Variants in SPEF2 observed in about 807,000 individuals in gnomAD.
SPEF2 encodes the protein sperm flagellar and cilia associated 2, also known as sperm flagella and cilia-associated protein 2.
SPEF2 carries 187 observed loss-of-function variants against 224.6 expected under a neutral mutation model. The ratio of observed to expected loss-of-function variants is 0.83; its 90% CI spans 0.74 to 0.94. The LOEUF (loss-of-function observed/expected upper bound fraction) is 0.94, where lower values mean the gene tolerates loss of function less well. Among genes scored for constraint, SPEF2 ranks in the 40% least tolerant of loss-of-function variants. The probability of loss-of-function intolerance (pLI) is 0.00; values close to 1 mark genes in which losing one functional copy is unlikely to be tolerated. For missense variants in SPEF2, 2,170 were observed against 2,135.6 expected (o/e 1.02, Z -0.32); for synonymous variants, 715 against 707.3 (o/e 1.01, Z -0.17).
At chr5:35,683,671 C>T (rs1461344365) in intron 10 of SPEF2, among the ~76,000 whole-genome samples, 1 of 152,148 alleles carries the variant, frequency 6.6e-6, no homozygotes, top group Non-Finnish European at 1.5e-5. Flanking sequence ...CAGGTTGTGA[C>T]TTTTGACCAC....
intron 23 of SPEF2, among the ~76,000 whole-genome samples, chr5:35,741,621 A>T (rs944197682): frequency 6.6e-6 from 1 of 152,206 alleles, no homozygotes; most frequent in Non-Finnish European, 1.5e-5. Context: ...AGTAGAGTAA[A>T]AACAGCAGGA....
intron 23 of SPEF2, among the ~76,000 whole-genome samples, chr5:35,752,134 C>T (rs961898682): frequency 6.6e-6 from 1 of 152,050 alleles, no homozygotes; most frequent in African/African-American, 2.4e-5. Flanking sequence ...AGGTGGAGAT[C>T]GGGGAGTAAT....
intron 15 of SPEF2, chr5:35,699,303 C>T (rs976910831): frequency 3.3e-5 from 5 of 152,132 alleles, no homozygotes; most frequent in Non-Finnish European, 7.4e-5. Context: ...AGGCCAAAAA[C>T]ACAATTTTGC....
intron 23 of SPEF2, among the ~76,000 whole-genome samples, chr5:35,752,449 T>C (rs1749810523): frequency 6.6e-6 from 1 of 151,894 alleles, no homozygotes; most frequent in Non-Finnish European, 1.5e-5. Flanking sequence ...CCACCATGAA[T>C]GGCTAAGTTT....
intron 12 of SPEF2, among the ~76,000 whole-genome samples, chr5:35,693,519 G>C (rs1388780156): frequency 6.6e-6 from 1 of 152,076 alleles, no homozygotes; most frequent in Non-Finnish European, 1.5e-5. Context: ...AGATTCCTGG[G>C]GTGGAGGGGT....
At chr5:35,809,515 G>T (rs986053667) in intron 36 of SPEF2, among the ~76,000 whole-genome samples, 1 of 152,138 alleles carries the variant, frequency 6.6e-6, no homozygotes, top group African/African-American at 2.4e-5. Context: ...TTTGCTGTTG[G>T]GGTAGGGAGG....
intron 34 of SPEF2, among the ~76,000 whole-genome samples, chr5:35,800,671 C>G (rs941352719): frequency 3.9e-5 from 6 of 152,192 alleles, no homozygotes; most frequent in Non-Finnish European, 8.8e-5. Context: ...ATCTCTCAGG[C>G]ATTGGCATTC....
At chr5:35,764,741 T>A in intron 26 of SPEF2, 2 of 456,168 alleles carry the variant, frequency 4.4e-6, no homozygotes, top group South Asian at 3.1e-5. Context: ...CTTCTTGGCC[T>A]CTCTGCCTTC....
chr5:35,774,970 A>G (rs1229286681), intron 28 of SPEF2, among the ~76,000 whole-genome samples: 2 of 152,174 alleles, frequency 1.3e-5, no homozygotes, highest in African/African-American at 4.8e-5. Context: ...TTCATCTTTC[A>G]GTTCATTCCA....
intron 10 of SPEF2, among the ~76,000 whole-genome samples, chr5:35,683,352 C>G (rs1753106848): frequency 6.6e-6 from 1 of 152,166 alleles, no homozygotes; most frequent in Non-Finnish European, 1.5e-5. Context: ...GGGCCGGGTG[C>G]TGTGGCTCAT....
At position 35,714,680 on chromosome 5, in the gene SPEF2, T is replaced by TTTTATTTATTTATTTA. The variant is rs70973053; in HGVS notation, c.2914+1821_2914+1836dup. Among the ~76,000 whole-genome samples, 221 of 134,562 alleles carry TTTTATTTATTTATTTA rather than the reference T, an allele frequency of 1.6e-3. 1 individual carries two copies. The highest frequency in any genetic ancestry group is 4.1e-3 in the African/African-American group (147 of 36,146). 88.3% of individuals were successfully genotyped at this position (134,562 alleles called of 152,430 possible). A position where few individuals can be genotyped will look rare whatever the true frequency, so the allele number is the denominator to read the frequency against. On this transcript the variant is annotated intron_variant, in intron 20 of 36. Transcript: ENST00000356031. ...AGGTTGGTTTGTCTTTTGGGTTTAT[T>TTTTATTTATTTATTTA]TTTATTTATTTATTTATTTATTTAT...
intron 20 of SPEF2, among the ~76,000 whole-genome samples, chr5:35,721,566 G>A (rs1309623048): frequency 6.6e-6 from 1 of 152,140 alleles, no homozygotes. Flanking sequence ...ATCTGACCTG[G>A]ATTTTACCAA....
chr5:35,618,871 C>CT (rs373293181), intron 1 of SPEF2, among the ~76,000 whole-genome samples: 22,729 of 148,866 alleles, frequency 0.15, 2,422 homozygotes, highest in East Asian at 0.52. Flanking sequence ...TTTTGTTTGT[C>CT]TTTTTTTCTT....
intron 26 of SPEF2, among the ~76,000 whole-genome samples, chr5:35,764,003 A>T (rs1219715790): frequency 6.6e-6 from 1 of 152,090 alleles, no homozygotes; most frequent in African/African-American, 2.4e-5. Context: ...ATCAGGAGGG[A>T]TGGGTCTGGG....
chr5:35,700,647 C>T lies in SPEF2; in HGVS notation c.2293C>T (p.Pro765Ser), dbSNP rs1414329200. ...ACAAAAATCCACATTGGCTATTGAT[C>T]CTGCGACTTCCAAAGAAATACCTCT... ...KAQKSTLAID[P>S]ATSKEIPLPS... Residue 765 changes from proline (P) to serine (S), a missense_variant, in exon 16 of 37, where the codon CCT becomes TCT. Coordinates refer to ENST00000356031, the MANE Select transcript of SPEF2 (RefSeq NM_024867.4). The T allele has an allele frequency of 4.3e-6, 7 of 1,613,882 alleles. No homozygotes were observed. Among genetic ancestry groups the T allele is most frequent in the Non-Finnish European group, 1.7e-6 (2 of 1,179,966 alleles).
At chr5:35,634,497 T>A (rs1745558218) in intron 2 of SPEF2, among the ~76,000 whole-genome samples, 1 of 151,984 alleles carries the variant, frequency 6.6e-6, no homozygotes. Context: ...GTGACTAACC[T>A]ACTGCAGTTC....
chr5:35,732,951 A>G (rs1745882013), intron 21 of SPEF2, among the ~76,000 whole-genome samples: 1 of 152,208 alleles, frequency 6.6e-6, no homozygotes, highest in South Asian at 2.1e-4. Context: ...ATTATGAATT[A>G]AATTATATCA....
chr5:35,783,466 A>G (rs1294264030), intron 30 of SPEF2, among the ~76,000 whole-genome samples: 1 of 152,208 alleles, frequency 6.6e-6, no homozygotes, highest in Non-Finnish European at 1.5e-5. Flanking sequence ...AGTATAGCAC[A>G]TAGAATGTGC....
At chr5:35,659,921 A>C (rs961300015) in intron 8 of SPEF2, among the ~76,000 whole-genome samples, 1 of 151,490 alleles carries the variant, frequency 6.6e-6, no homozygotes, top group African/African-American at 2.4e-5. Flanking sequence ...GAGATTCCTC[A>C]GGCCCATATT....
Sources: allele counts gnomAD v4.1 joint callset (sites outside exome capture counted in the v4.1 genomes callset), GRCh38; gene constraint gnomAD v4.1.1; transcripts MANE v1.5; gene names NCBI Gene and HGNC (gene_info 2026-07-23, HGNC 2026-07-21).